NFU1: variants seen among roughly 807,000 people sequenced by gnomAD.
NFU1 encodes NFU1 iron-sulfur cluster scaffold homolog, mitochondrial.
NFU1 carries 30 observed loss-of-function variants against 32.2 expected under a neutral mutation model. That is an observed-to-expected ratio of 0.93 (90% CI 0.70 to 1.26). The LOEUF is 1.26. Ranked by LOEUF, NFU1 falls within the 50% of genes most tolerant of loss-of-function variation. The probability of loss-of-function intolerance (pLI) is 0.00; values close to 1 mark genes in which losing one functional copy is unlikely to be tolerated. For missense variants in NFU1, 306 were observed against 306.6 expected, an observed-to-expected ratio of 1.00 and a Z score of 0.02; for synonymous variants, 112 against 104.6, an observed-to-expected ratio of 1.07 and a Z score of -0.43.
intron 3 of NFU1, among the ~76,000 whole-genome samples, chr2:69,421,409 GCT>G (rs1284114638): frequency 6.6e-6 from 1 of 151,972 alleles, no homozygotes; most frequent in African/African-American, 2.4e-5. Flanking sequence ...AGTTACCTGA[GCT>G]CTGTTTTCCG....
At chr2:69,404,638 T>TTTTTTTTTTTTTTTTTTTTTTTTA (rs1672638399) in intron 6 of NFU1, among the ~76,000 whole-genome samples, 1 of 135,730 alleles carries the variant, frequency 7.4e-6, no homozygotes, top group African/African-American at 3.1e-5. Context: ...TTTTTTTTTT[T>TTTTTTTTTTTTTTTTTTTTTTTTA]GAGAAAGAGT....
chr2:69,416,549 C>T (rs756326504), intron 4 of NFU1, among the ~76,000 whole-genome samples: 4 of 151,610 alleles, frequency 2.6e-5, no homozygotes, highest in African/African-American at 9.7e-5. Context: ...ATCAAGTATA[C>T]GGAACAGCCT....
chr2:69,416,294 T>TGG (rs1673049189), intron 4 of NFU1: 1 of 143,476 alleles, frequency 7.0e-6, no homozygotes, highest in Non-Finnish European at 1.5e-5. Flanking sequence ...TTATTATTAT[T>TGG]AATAATATAA....
chr2:69,437,289 T>C (rs1673877033), intron 1 of NFU1, 72 bp downstream of exon 1: 1 of 1,547,542 alleles, frequency 6.5e-7, no homozygotes, highest in Non-Finnish European at 8.7e-7. Context: ...AGAGAGGGTC[T>C]GCAAGGCGGC....
At chr2:69,428,907 G>A (rs1673549774) in intron 2 of NFU1, among the ~76,000 whole-genome samples, 1 of 152,184 alleles carries the variant, frequency 6.6e-6, no homozygotes, top group African/African-American at 2.4e-5. Flanking sequence ...TTGCCATGCA[G>A]TTCCAGCTAG....
chr2:69,427,058 T>C (rs1264487532), intron 2 of NFU1, among the ~76,000 whole-genome samples: 13 of 93,578 alleles, frequency 1.4e-4, no homozygotes, highest in Non-Finnish European at 2.6e-4. Context: ...AGACTAGGTC[T>C]CAAAAAAAAA....
In NFU1 at chr2:69,419,616, G is replaced by A; in HGVS notation, c.303-12C>T. On this transcript the variant is annotated splice_polypyrimidine_tract_variant and intron_variant, in intron 3 of 7. Transcript: ENST00000410022. ...TCCTAAATAACTGCCTGCAAAAAAA[G>A]AAAAAATAAGAGATATTAAAATGCT... The A allele has an allele frequency of 2.0e-6, 3 of 1,471,462 alleles. No homozygotes were observed. Among genetic ancestry groups the A allele is most frequent in the East Asian group, 2.3e-5 (1 of 43,954 alleles). 91.2% of individuals were successfully genotyped at this position (1,471,462 alleles called of 1,614,324 possible). A position where few individuals can be genotyped will look rare whatever the true frequency, so the allele number is the denominator to read the frequency against.
At chr2:69,418,156 T>C (rs1333724980) in intron 4 of NFU1, among the ~76,000 whole-genome samples, 2 of 152,174 alleles carry the variant, frequency 1.3e-5, no homozygotes, top group African/African-American at 4.8e-5. Flanking sequence ...TCCCAGCACT[T>C]TGGGAGGCCG....
chr2:69,409,423 C>T (rs954103416), intron 5 of NFU1, among the ~76,000 whole-genome samples: 7 of 152,088 alleles, frequency 4.6e-5, no homozygotes, highest in African/African-American at 1.7e-4. Flanking sequence ...TTGCCTTGTG[C>T]ATATCTCTAA....
At chr2:69,399,174 C>T (rs1162954496) in intron 7 of NFU1, 1 of 281,090 alleles carries the variant, frequency 3.6e-6, no homozygotes, top group African/African-American at 2.4e-5. Context: ...CGTGTCACTG[C>T]ACTCCAGCCT....
chr2:69,407,241 T>C (rs1015022367), intron 5 of NFU1, among the ~76,000 whole-genome samples: 4 of 152,160 alleles, frequency 2.6e-5, no homozygotes, highest in African/African-American at 9.7e-5. Flanking sequence ...GCATGAGCCA[T>C]GCCTGGCCTC....
At chr2:69,414,521 G>A (rs1672988375) in intron 5 of NFU1, among the ~76,000 whole-genome samples, 1 of 150,944 alleles carries the variant, frequency 6.6e-6, no homozygotes, top group South Asian at 2.1e-4. Context: ...GGGAGGCTGA[G>A]GCATGAGAAA....
At chr2:69,422,252 A>T (rs1372360678) in intron 3 of NFU1, among the ~76,000 whole-genome samples, 2 of 152,152 alleles carry the variant, frequency 1.3e-5, no homozygotes, top group Non-Finnish European at 2.9e-5. Flanking sequence ...GCAAGATTTC[A>T]CCATGCTACT....
At chr2:69,411,160 A>C (rs1672866055) in intron 5 of NFU1, 1 of 152,120 alleles carries the variant, frequency 6.6e-6, no homozygotes, top group Non-Finnish European at 1.5e-5. Flanking sequence ...AAAAGATAAA[A>C]TTATTATAAA....
chr2:69,400,258 G>A (rs1159349038), intron 7 of NFU1, 106 bp downstream of exon 7: 10 of 1,045,680 alleles, frequency 9.6e-6, no homozygotes, highest in Non-Finnish European at 1.3e-5. Context: ...GCTAGGTCAT[G>A]AACTTCTTTT....
rs71397328 is a variant in NFU1, at chr2:69,399,876, ATT to A, written c.720+486_720+487del. Among the ~76,000 whole-genome samples, 407 of 145,642 alleles carry A rather than the reference ATT, an allele frequency of 2.8e-3. 2 individuals carry two copies. The South Asian group carries it at 0.03, about 11-fold the overall frequency. ...GTTCTCATAACACTAAAGTTACTTC[ATT>A]TTTTTTTTTTTTTGACGGAGTTTCG... On this transcript the variant is annotated intron_variant, in intron 7 of 7. Transcript: ENST00000410022.
chr2:69,433,655 T>C (rs1240936799), intron 1 of NFU1, among the ~76,000 whole-genome samples: 1 of 152,178 alleles, frequency 6.6e-6, no homozygotes, highest in Non-Finnish European at 1.5e-5. Flanking sequence ...TTTATATTTT[T>C]AGTAGAGACA....
Position 69,400,356 on chromosome 2 carries a change from T to C in NFU1, c.720+8A>G, listed in dbSNP as rs1672480696. 5.0e-6 allele frequency: 8 copies of C among 1,611,332 alleles called. No homozygotes were observed. Among genetic ancestry groups the C allele is most frequent in the Non-Finnish European group, 6.8e-6 (8 of 1,177,460 alleles). ...AAAAATCTAGACTGTCATATAATAT[T>C]GGCATACCTGTTCTACGCCTTCTAC... On this transcript the variant is annotated splice_region_variant and intron_variant, in intron 7 of 7. Coordinates refer to ENST00000410022, the MANE Select transcript of NFU1 (RefSeq NM_001002755.4).
At chr2:69,430,016 G>A (rs930871976) in intron 2 of NFU1, 1 of 327,232 alleles carries the variant, frequency 3.1e-6, no homozygotes, top group African/African-American at 2.2e-5. Context: ...GCAACATAGT[G>A]AGACCCTGCC....
Sources: allele counts gnomAD v4.1 joint callset (sites outside exome capture counted in the v4.1 genomes callset), GRCh38; gene constraint gnomAD v4.1.1; transcripts MANE v1.5; gene names NCBI Gene and HGNC (gene_info 2026-07-23, HGNC 2026-07-21).